Variants in PTH2R observed in about 807,000 individuals in gnomAD.
PTH2R encodes the protein parathyroid hormone 2 receptor.
A neutral mutation model predicts 60.3 loss-of-function variants in PTH2R; 59 were observed. That is an observed-to-expected ratio of 0.98 (90% CI 0.79 to 1.22). PTH2R has a LOEUF of 1.22. PTH2R is among the 50% of genes most tolerant of loss of function. The probability of loss-of-function intolerance (pLI) is 0.00; values close to 1 mark genes in which losing one functional copy is unlikely to be tolerated. For missense variants in PTH2R, 749 were observed against 682.6 expected (o/e 1.10, Z -1.08); for synonymous variants, 256 against 243.8 (o/e 1.05, Z -0.47).
intron 2 of PTH2R, among the ~76,000 whole-genome samples, chr2:208,428,590 G>C (rs1225253512): frequency 6.6e-6 from 1 of 152,226 alleles, no homozygotes; most frequent in African/African-American, 2.4e-5. Context: ...TCTGCCTGTA[G>C]AGAGCATGCA....
At chr2:208,387,428 T>G (rs79391886) in intron 1 of PTH2R, among the ~76,000 whole-genome samples, 124 of 152,298 alleles carry the variant, frequency 8.1e-4, no homozygotes, top group African/African-American at 2.7e-3. Flanking sequence ...CTTAGAACTT[T>G]GCACTCACAA....
intron 7 of PTH2R, among the ~76,000 whole-genome samples, chr2:208,449,489 C>T (rs1310047530): frequency 8.2e-6 from 1 of 122,184 alleles, no homozygotes. Context: ...AATATGCAAA[C>T]TGAACCTAAG....
At chr2:208,396,620 C>T in intron 1 of PTH2R, among the ~76,000 whole-genome samples, 1 of 152,160 alleles carries the variant, frequency 6.6e-6, no homozygotes, top group Non-Finnish European at 1.5e-5. Context: ...CATCTCATGC[C>T]AGTTAGAATG....
chr2:208,377,284 A>T (rs1009220568), intron 1 of PTH2R, among the ~76,000 whole-genome samples: 35 of 152,256 alleles, frequency 2.3e-4, no homozygotes, highest in African/African-American at 7.0e-4. Context: ...CTACACAGAC[A>T]CAGCAACAAT....
chr2:208,366,077 C>A (rs1700587711), intron 1 of PTH2R, among the ~76,000 whole-genome samples: 1 of 138,732 alleles, frequency 7.2e-6, no homozygotes, highest in Admixed American at 7.5e-5. Flanking sequence ...ACCTCAGTCT[C>A]CCAAAGTTCT....
intron 1 of PTH2R, among the ~76,000 whole-genome samples, chr2:208,383,189 TTTTC>T (rs1380924275): frequency 1.4e-4 from 22 of 152,246 alleles, no homozygotes; most frequent in African/African-American, 3.6e-4. Flanking sequence ...TGCTAAATAT[TTTTC>T]TTTCTTTCTT....
chr2:208,417,648 A>T (rs1386943856), intron 1 of PTH2R, among the ~76,000 whole-genome samples: 2 of 149,448 alleles, frequency 1.3e-5, no homozygotes, highest in African/African-American at 2.5e-5. Context: ...CTCCCGGATT[A>T]AAGCGATTCT....
At chr2:208,482,274 A>G (rs552639155) in intron 10 of PTH2R, among the ~76,000 whole-genome samples, 2 of 152,298 alleles carry the variant, frequency 1.3e-5, no homozygotes, top group East Asian at 3.9e-4. Context: ...CTTTGTTCCC[A>G]GGCGGATCGG....
At chr2:208,438,301 T>C (rs1702117248) in intron 4 of PTH2R, among the ~76,000 whole-genome samples, 1 of 152,204 alleles carries the variant, frequency 6.6e-6, no homozygotes, top group Admixed American at 6.5e-5. Flanking sequence ...TTCCACCTCA[T>C]AAGATTTACC....
intron 6 of PTH2R, 64 bp from the exon 7 acceptor site, chr2:208,444,670 T>C: frequency 1.3e-6 from 2 of 1,492,716 alleles, no homozygotes; most frequent in South Asian, 2.5e-5. Context: ...TTTAGTGGTC[T>C]AATGTTGGCA....
At chr2:208,421,518 A>T (rs1242023232) in intron 1 of PTH2R, among the ~76,000 whole-genome samples, 1 of 152,110 alleles carries the variant, frequency 6.6e-6, no homozygotes, top group African/African-American at 2.4e-5. Flanking sequence ...ATGGTTCATA[A>T]AGGTAGATGA....
intron 1 of PTH2R, among the ~76,000 whole-genome samples, chr2:208,384,086 A>G (rs188542524): frequency 1.3e-5 from 2 of 152,336 alleles, no homozygotes; most frequent in African/African-American, 4.8e-5. Context: ...AAAAACTGCT[A>G]AATACTGAAA....
chr2:208,396,893 C>T (rs1369005001), intron 1 of PTH2R, among the ~76,000 whole-genome samples: 1 of 152,150 alleles, frequency 6.6e-6, no homozygotes, highest in African/African-American at 2.4e-5. Flanking sequence ...ACAGCAAAGA[C>T]TCGGAACCAA....
At chr2:208,417,573 G>A (rs1445580967) in intron 1 of PTH2R, among the ~76,000 whole-genome samples, 1 of 72,122 alleles carries the variant, frequency 1.4e-5, no homozygotes, top group Non-Finnish European at 2.6e-5. Flanking sequence ...TTTTTTTTGT[G>A]ATGGTGTCTC....
chr2:208,470,717 A>G (rs750591558), intron 9 of PTH2R, among the ~76,000 whole-genome samples: 6 of 152,232 alleles, frequency 3.9e-5, no homozygotes, highest in Non-Finnish European at 8.8e-5. Flanking sequence ...GTAAATTGGT[A>G]TCAGTAGAGT....
rs1701690656 is a variant in PTH2R at position 208,418,651 on chromosome 2, T to A, written c.76-9550T>A. On this transcript the variant is annotated intron_variant, in intron 1 of 12. Coordinates refer to ENST00000272847, the MANE Select transcript of PTH2R (RefSeq NM_005048.4). Reference sequence around the variant, plus strand: ...AATGAGGTAGTTAGAAATATTCCACTTAAAGGGAGAAATAAGATAAAAAAT... The same window carrying A: ...AATGAGGTAGTTAGAAATATTCCACATAAAGGGAGAAATAAGATAAAAAAT... Among the ~76,000 whole-genome samples, 4 of 152,258 alleles carry A rather than the reference T, an allele frequency of 2.6e-5. No homozygotes were observed. The South Asian group carries it at 8.3e-4, about 32-fold the overall frequency.
At chr2:208,369,438 C>T in intron 1 of PTH2R, among the ~76,000 whole-genome samples, 1 of 150,314 alleles carries the variant, frequency 6.7e-6, no homozygotes, top group East Asian at 2.0e-4. Flanking sequence ...ACAATCTCAG[C>T]TCACTGCACC....
chr2:208,388,210 G>C (rs1201296602), intron 1 of PTH2R, among the ~76,000 whole-genome samples: 1 of 150,212 alleles, frequency 6.7e-6, no homozygotes, highest in East Asian at 2.0e-4. Context: ...CCAGCTACTC[G>C]GGAGGCTGAG....
At chr2:208,405,407 A>T (rs1054035023), upstream of PTH2R, among the ~76,000 whole-genome samples, 4 of 152,222 alleles carry the variant, frequency 2.6e-5, no homozygotes, top group Non-Finnish European at 4.4e-5. Context: ...ACTGATCAAG[A>T]TATTATAAAT....
Sources: allele counts gnomAD v4.1 joint callset (sites outside exome capture counted in the v4.1 genomes callset), GRCh38; gene constraint gnomAD v4.1.1; transcripts MANE v1.5; gene names NCBI Gene and HGNC (gene_info 2026-07-23, HGNC 2026-07-21).